THOC5: variants seen among roughly 807,000 people sequenced by gnomAD.
THOC5 encodes Fms-interacting protein.
A neutral mutation model predicts 92.9 loss-of-function variants in THOC5; 43 were observed. The ratio of observed to expected loss-of-function variants is 0.46; its 90% CI spans 0.36 to 0.60. THOC5 has a LOEUF of 0.60. Ranked by LOEUF, THOC5 falls within the 20% of genes least tolerant of loss-of-function variation. The probability of loss-of-function intolerance (pLI) is 0.00; values close to 1 mark genes in which losing one functional copy is unlikely to be tolerated. For synonymous variants in THOC5, 296 were observed against 320.1 expected (o/e 0.92, Z 0.80); for missense variants, 659 against 849.4 (o/e 0.78, Z 2.79).
chr22:29,534,275 G>C (rs1268297020), intron 7 of THOC5, among the ~76,000 whole-genome samples: 1 of 152,160 alleles, frequency 6.6e-6, no homozygotes, highest in Non-Finnish European at 1.5e-5. Flanking sequence ...TGGGGTGTGA[G>C]GGAAGATAGG....
At chr22:29,529,295 T>C (rs2302141) in intron 8 of THOC5, 56 bp from the exon 9 acceptor site, 366,352 of 1,583,742 alleles carry the variant, frequency 0.23, 44,483 homozygotes, top group East Asian at 0.46. Flanking sequence ...TGCTAAGCAG[T>C]GTGAGTAGGC....
intron 5 of THOC5, among the ~76,000 whole-genome samples, chr22:29,540,077 C>T (rs534178245): frequency 1.3e-5 from 2 of 152,264 alleles, no homozygotes; most frequent in South Asian, 2.1e-4. Context: ...GTCAGGAGTT[C>T]GAGACCAGCC....
chr22:29,518,954 G>A, intron 15 of THOC5, 52 bp downstream of exon 15: 4 of 1,129,040 alleles, frequency 3.5e-6, no homozygotes, highest in Non-Finnish European at 5.2e-6. Flanking sequence ...AGTTGTTGTT[G>A]TCCGTGTGTT....
intron 19 of THOC5, 113 bp from the exon 20 acceptor site, chr22:29,508,633 T>C: frequency 3.1e-6 from 3 of 955,628 alleles, no homozygotes; most frequent in Middle Eastern, 4.2e-4. Flanking sequence ...TGACACAGAA[T>C]GTTGTTGAGA....
intron 6 of THOC5, among the ~76,000 whole-genome samples, chr22:29,538,550 CA>C (rs2063807453): frequency 1.3e-5 from 2 of 152,028 alleles, no homozygotes; most frequent in Admixed American, 1.3e-4. Context: ...GTAATCCCAG[CA>C]CTTTGGGAGG....
At chr22:29,517,189 T>G in intron 16 of THOC5, 73 bp from the exon 17 acceptor site, 1 of 1,605,454 alleles carries the variant, frequency 6.2e-7, no homozygotes, top group South Asian at 1.1e-5. Flanking sequence ...TCCAGTGAGG[T>G]GGCAGGAGCT....
chr22:29,543,030 A>C (rs2050996967), intron 4 of THOC5, 74 bp from the exon 5 acceptor site: 13 of 1,084,810 alleles, frequency 1.2e-5, no homozygotes, highest in Non-Finnish European at 1.7e-5. Flanking sequence ...GCAAACTAAG[A>C]GAAGGTGTAA....
At chr22:29,531,393 G>GA in intron 8 of THOC5, 1 of 985,438 alleles carries the variant, frequency 1.0e-6, no homozygotes, top group South Asian at 4.7e-5. Context: ...ATCTAACCTG[G>GA]AAATTCACAA....
intron 17 of THOC5, among the ~76,000 whole-genome samples, chr22:29,514,244 G>A (rs2063287652): frequency 6.6e-6 from 1 of 151,990 alleles, no homozygotes; most frequent in Non-Finnish European, 1.5e-5. Flanking sequence ...ACCACGCCCA[G>A]GCTGTTCACC....
chr22:29,531,305 C>T, intron 8 of THOC5: 2 of 985,374 alleles, frequency 2.0e-6, no homozygotes, highest in Non-Finnish European at 1.2e-6. Flanking sequence ...TGCATTAGGG[C>T]AAAAGGCAGA....
intron 6 of THOC5, among the ~76,000 whole-genome samples, chr22:29,536,998 A>C (rs959041050): frequency 1.3e-5 from 2 of 152,268 alleles, no homozygotes; most frequent in Non-Finnish European, 2.9e-5. Flanking sequence ...TAACTTGCCC[A>C]AGGGCATCCA....
In THOC5 at chr22:29,508,334, T is replaced by C. The variant is rs2063158170; in HGVS notation, c.*123A>G. ...CCACAGACAAAGGCCACTGGTCAGG[T>C]GACGCTTTTTAATTGGCTGGTGTCT... On this transcript the variant is annotated 3_prime_UTR_variant, in exon 20 of 20. Coordinates refer to ENST00000490103, the MANE Select transcript of THOC5 (RefSeq NM_003678.5). 3 of 1,040,666 alleles carry C rather than the reference T, an allele frequency of 2.9e-6. No individual in the cohort carries two copies. The highest frequency in any genetic ancestry group is 2.9e-6 in the Non-Finnish European group (2 of 700,214). 64.5% of individuals were successfully genotyped at this position (1,040,666 alleles called of 1,614,324 possible). A position where few individuals can be genotyped will look rare whatever the true frequency, so the allele number is the denominator to read the frequency against.
chr22:29,511,267 G>T lies in THOC5; in HGVS notation c.1827C>A (p.Tyr609Ter). 3 of 1,613,888 alleles carry T rather than the reference G, an allele frequency of 1.9e-6. No homozygotes were observed. The highest frequency in any genetic ancestry group is 2.5e-6 in the Non-Finnish European group (3 of 1,180,024). Residue 609 changes from tyrosine (Y) to a stop codon, truncating the protein, a stop_gained, in exon 19 of 20, where the codon TAC becomes TAA. Coordinates refer to ENST00000490103, the MANE Select transcript of THOC5 (RefSeq NM_003678.5). LOFTEE classifies it high-confidence loss of function. ...TGGGCCAAGGGCCACACAGCTCCTT[G>T]TAGCACACATTGACTTCGCCCTCCA... ...RAMEGEVNVC[Y>*]KELCGPWPSH... is the part of the protein sequence containing the mutation.
intron 8 of THOC5, chr22:29,531,440 C>G (rs994100227): frequency 1.1e-5 from 11 of 1,011,328 alleles, no homozygotes; most frequent in African/African-American, 3.4e-5. Context: ...ATGGTGAAAG[C>G]CTGGGAGAGC....
At position 29,511,213 on chromosome 22, in the gene THOC5, C is replaced by T; in HGVS notation, c.1881G>A (p.Gln627=). 1.2e-6 allele frequency: 2 copies of T among 1,614,270 alleles called. No homozygotes were observed. The highest frequency in any genetic ancestry group is 1.7e-6 in the Non-Finnish European group (2 of 1,180,052). Residue 627 remains glutamine (Q), a synonymous_variant, in exon 19 of 20, where the codon CAG becomes CAA. Transcript: ENST00000490103. The part of the protein sequence containing the change: ...PSHQLLTNQL[Q]RLCVLLDVYL... ...AAACATCCAGCAGCACACACAGCCGCTGCAGCTGGTTGGTCAACAGCTGGT... is the reference window on the plus strand; with the variant it reads ...AAACATCCAGCAGCACACACAGCCGTTGCAGCTGGTTGGTCAACAGCTGGT...
intron 12 of THOC5, among the ~76,000 whole-genome samples, chr22:29,522,302 A>C (rs967398710): frequency 2.0e-5 from 3 of 151,892 alleles, no homozygotes; most frequent in African/African-American, 7.3e-5. Context: ...GGAGCTGGCA[A>C]TAAGCCAAGA....
chr22:29,511,176 C>T lies in THOC5; in HGVS notation c.1918G>A (p.Glu640Lys), dbSNP rs770673888. The change falls in exon 19 of 20, where the codon GAG (glutamate) becomes AAG (lysine). Residue 640 changes from glutamate (E) to lysine (K), a missense_variant. Coordinates refer to ENST00000490103, the MANE Select transcript of THOC5 (RefSeq NM_003678.5). ...CCCTCCACACTGTCGTCATGGCTCT[C>T]GGTCTCCAGGTAAACATCCAGCAGC... ...CVLLDVYLET[E>K]SHDDSVEGPK... 6.2e-6 allele frequency: 10 copies of T among 1,614,236 alleles called. No homozygotes were observed. In the East Asian group the frequency reaches 2.0e-4, roughly 32 times the overall value.
intron 12 of THOC5, among the ~76,000 whole-genome samples, chr22:29,523,890 A>G (rs983388708): frequency 1.3e-5 from 2 of 152,258 alleles, no homozygotes; most frequent in African/African-American, 4.8e-5. Flanking sequence ...TTTAATAGAT[A>G]AATCAATAAA....
In THOC5 at chr22:29,536,637, T is replaced by G. The variant is rs1569226468; in HGVS notation, c.701A>C (p.Asn234Thr). 1 of 1,610,146 alleles carries G rather than the reference T, an allele frequency of 6.2e-7. No homozygotes were observed. Among genetic ancestry groups the G allele is most frequent in the Non-Finnish European group, 8.5e-7 (1 of 1,176,296 alleles). The change falls in exon 7 of 20, where the codon AAC becomes ACC. Residue 234 changes from asparagine to threonine, a missense_variant. Physicochemically the swap from Asn to Thr is moderately conservative, Grantham distance 65. Coordinates refer to ENST00000490103, the MANE Select transcript of THOC5 (RefSeq NM_003678.5). ...EYLSSLQPRL[N>T]SIMQASLPVQ... is the part of the protein sequence containing the mutation. ...AGAGGGCCCCACCTGCATGATGCTG[T>G]TGAGGCGGGGCTGGAGGCTGCTCAG...
Sources: allele counts gnomAD v4.1 joint callset (sites outside exome capture counted in the v4.1 genomes callset), GRCh38; gene constraint gnomAD v4.1.1; transcripts MANE v1.5; gene names NCBI Gene and HGNC (gene_info 2026-07-23, HGNC 2026-07-21).